Variants in SCN2A observed in about 807,000 individuals in gnomAD.
SCN2A encodes the protein sodium voltage-gated channel alpha subunit 2.
In SCN2A, 20 loss-of-function variants were observed where a neutral mutation model predicts 188.7. The ratio of observed to expected loss-of-function variants is 0.11; its 90% CI spans 0.07 to 0.15. The LOEUF (loss-of-function observed/expected upper bound fraction) is 0.15. Ranked by LOEUF, SCN2A falls within the 10% of genes least tolerant of loss-of-function variation. SCN2A has a pLI of 1.00. For synonymous variants in SCN2A, 804 were observed against 833.1 expected (o/e 0.97, Z 0.60); for missense variants, 1,278 against 2,445.0 (o/e 0.52, Z 10.07).
chr2:165,378,652 G>A (rs991852287), intron 23 of SCN2A, among the ~76,000 whole-genome samples: 2 of 151,654 alleles, frequency 1.3e-5, no homozygotes, highest in Non-Finnish European at 1.5e-5. Flanking sequence ...TTCCACAGTG[G>A]TTCTTACCTT....
chr2:165,328,056 C>T (rs932808206), intron 13 of SCN2A: 2 of 152,160 alleles, frequency 1.3e-5, no homozygotes, highest in East Asian at 1.9e-4. Context: ...CAAGCATACA[C>T]GTCCCTTTCT....
At chr2:165,284,523 TG>T (rs1385140518) in intron 1 of SCN2A, among the ~76,000 whole-genome samples, 1 of 152,156 alleles carries the variant, frequency 6.6e-6, no homozygotes, top group African/African-American at 2.4e-5. Flanking sequence ...TGCTCATTCA[TG>T]GGGAAGATGC....
At chr2:165,294,503 A>T (rs1228398177) in intron 1 of SCN2A, among the ~76,000 whole-genome samples, 3 of 152,074 alleles carry the variant, frequency 2.0e-5, no homozygotes, top group Non-Finnish European at 4.4e-5. Flanking sequence ...TTGTTATTTT[A>T]GGTTTCCCTC....
At chr2:165,351,058 A>G (rs1699883212) in intron 16 of SCN2A, among the ~76,000 whole-genome samples, 1 of 152,210 alleles carries the variant, frequency 6.6e-6, no homozygotes, top group Admixed American at 6.5e-5. Context: ...GCTGGGCACT[A>G]GAAAAACGAT....
At chr2:165,341,805 C>T (rs922401774) in intron 14 of SCN2A, among the ~76,000 whole-genome samples, 2 of 152,140 alleles carry the variant, frequency 1.3e-5, no homozygotes, top group Non-Finnish European at 2.9e-5. Flanking sequence ...GCTTCCCTTT[C>T]GCCAACAAAA....
At chr2:165,324,863 A>G (rs943441486) in intron 12 of SCN2A, among the ~76,000 whole-genome samples, 9 of 152,222 alleles carry the variant, frequency 5.9e-5, no homozygotes, top group African/African-American at 1.4e-4. Context: ...ATCAAAAAGA[A>G]GAGATGGTTA....
At chr2:165,355,091 C>T (rs147293871) in intron 17 of SCN2A, among the ~76,000 whole-genome samples, 2 of 152,194 alleles carry the variant, frequency 1.3e-5, no homozygotes, top group East Asian at 1.9e-4. Flanking sequence ...TTAATTCTTA[C>T]GAAATACGTC....
chr2:165,329,523 T>TA (rs1356816509), intron 13 of SCN2A, among the ~76,000 whole-genome samples: 3 of 152,152 alleles, frequency 2.0e-5, no homozygotes, highest in Non-Finnish European at 4.4e-5. Flanking sequence ...TTTTAGAACT[T>TA]AAACAACTTT....
chr2:165,312,582 C>T (rs527729003), intron 8 of SCN2A, among the ~76,000 whole-genome samples: 1 of 152,062 alleles, frequency 6.6e-6, no homozygotes, highest in African/African-American at 2.4e-5. Context: ...TTTCTTCTTG[C>T]CTTCGTTTCC....
In SCN2A at chr2:165,315,889, G is replaced by T. The variant is rs1697721560; in HGVS notation, c.1671+131G>T. 3 of 1,084,676 alleles carry T rather than the reference G, an allele frequency of 2.8e-6. No individual in the cohort carries two copies. The African/African-American group carries it at 4.8e-5, about 17-fold the overall frequency. 67.2% of individuals were successfully genotyped at this position (1,084,676 alleles called of 1,614,324 possible). On this transcript the variant is annotated intron_variant, in intron 11 of 26. Transcript: ENST00000375437. ...TTCAGAGTAGTGATGATTATCAAGT[G>T]TTTTGGCTATCACTTCAGAGAATTT...
chr2:165,314,380 A>G (rs1454228676), intron 10 of SCN2A, among the ~76,000 whole-genome samples: 2 of 152,166 alleles, frequency 1.3e-5, no homozygotes, highest in Non-Finnish European at 2.9e-5. Flanking sequence ...TTAATGATTA[A>G]CAAAGGCCTC....
intron 17 of SCN2A, 80 bp from the exon 18 acceptor site, chr2:165,365,063 G>A: frequency 7.9e-7 from 1 of 1,272,500 alleles, no homozygotes. Flanking sequence ...AGAAGATGGG[G>A]GGGGGGCACA....
intron 16 of SCN2A, among the ~76,000 whole-genome samples, chr2:165,350,464 C>CTTTCTTTTTTTTTTTTT (rs1699830486): frequency 4.1e-5 from 3 of 73,848 alleles, no homozygotes; most frequent in Non-Finnish European, 7.4e-5. Context: ...TGTTTTCTTT[C>CTTTCTTTTTTTTTTTTT]TTTTTTTTTT....
chr2:165,342,884 C>T (rs548324889), intron 15 of SCN2A, among the ~76,000 whole-genome samples: 3 of 152,100 alleles, frequency 2.0e-5, no homozygotes, highest in South Asian at 2.1e-4. Context: ...ACCTTGTCCC[C>T]GTAGAGGAAA....
At chr2:165,262,995 G>C (rs1456773398) in intron 1 of SCN2A, among the ~76,000 whole-genome samples, 1 of 152,128 alleles carries the variant, frequency 6.6e-6, no homozygotes, top group Admixed American at 6.6e-5. Flanking sequence ...GATAATTAGT[G>C]ATGTTGAGCA....
At chr2:165,291,397 T>TGTCTG (rs1225714061) in intron 1 of SCN2A, among the ~76,000 whole-genome samples, 15 of 148,204 alleles carry the variant, frequency 1.0e-4, no homozygotes, top group Non-Finnish European at 6.0e-5. Context: ...CCTTCCTTCC[T>TGTCTG]TCCTTCCTTC....
intron 1 of SCN2A, chr2:165,268,709 C>T (rs10174400): frequency 0.38 from 57,488 of 151,484 alleles, 11,292 homozygotes; most frequent in African/African-American, 0.48. Flanking sequence ...AGACAGGATA[C>T]GGAATCAACC....
At chr2:165,255,309 A>C (rs1178948373) in intron 1 of SCN2A, among the ~76,000 whole-genome samples, 2 of 151,980 alleles carry the variant, frequency 1.3e-5, no homozygotes, top group Non-Finnish European at 2.9e-5. Context: ...ATTTTAAAAG[A>C]AACCATCAGC....
intron 1 of SCN2A, chr2:165,270,730 A>C (rs565987281): frequency 6.6e-6 from 1 of 152,198 alleles, no homozygotes; most frequent in Non-Finnish European, 1.5e-5. Flanking sequence ...TTTCCCTTGC[A>C]ATTGAAATAT....
Sources: allele counts gnomAD v4.1 joint callset (sites outside exome capture counted in the v4.1 genomes callset), GRCh38; gene constraint gnomAD v4.1.1; transcripts MANE v1.5; gene names NCBI Gene and HGNC (gene_info 2026-07-23, HGNC 2026-07-21).